GADD45A: variants seen among roughly 807,000 people sequenced by gnomAD.
The protein encoded by GADD45A is growth arrest and DNA damage-inducible protein GADD45 alpha.
Under a neutral mutation model 17.7 loss-of-function variants are expected in GADD45A, and 9 were observed. That is an observed-to-expected ratio of 0.51 (90% CI 0.31 to 0.89). GADD45A has a LOEUF of 0.89. Among genes scored for constraint, GADD45A ranks in the 40% least tolerant of loss-of-function variants. GADD45A has a pLI of 0.05. For synonymous variants in GADD45A, 95 were observed against 92.2 expected, an observed-to-expected ratio of 1.03 and a Z score of -0.17; for missense variants, 149 against 220.6, an observed-to-expected ratio of 0.68 and a Z score of 2.06.
intron 2 of GADD45A, 104 bp from the exon 3 acceptor site, chr1:67,686,246 G>C: frequency 7.3e-7 from 1 of 1,376,420 alleles, no homozygotes; most frequent in Non-Finnish European, 1.0e-6. Context: ...TGCCTGTCTC[G>C]GAAGGGAGGG....
intron 3 of GADD45A, 110 bp downstream of exon 3, chr1:67,686,697 T>A: frequency 1.1e-6 from 1 of 887,956 alleles, no homozygotes; most frequent in South Asian, 1.7e-5. Context: ...GGAGGGTGGC[T>A]GCCTTTGTCC....
At chr1:67,686,823 G>GT (rs1428222196) in intron 3 of GADD45A, among the ~76,000 whole-genome samples, 2 of 152,240 alleles carry the variant, frequency 1.3e-5, no homozygotes, top group African/African-American at 4.8e-5. Context: ...AGAGATCCCT[G>GT]TGAGTCAGCA....
chr1:67,687,214 T>C (rs1400389122), intron 3 of GADD45A, among the ~76,000 whole-genome samples: 2 of 152,238 alleles, frequency 1.3e-5, no homozygotes, highest in African/African-American at 4.8e-5. Context: ...ATTATTTTGC[T>C]ACTCCTTAAA....
At position 67,686,222 on chromosome 1, in the gene GADD45A, T is replaced by A. The variant is rs997447693; in HGVS notation, c.146+96T>A. 14 of 1,369,052 alleles carry A rather than the reference T, an allele frequency of 1.0e-5. No individual in the cohort carries two copies. In the East Asian group the frequency reaches 1.8e-4, roughly 17 times the overall value. 84.8% of individuals were successfully genotyped at this position (1,369,052 alleles called of 1,614,324 possible). A position where few individuals can be genotyped will look rare whatever the true frequency, so the allele number is the denominator to read the frequency against. ...GCGCCCCTCGCCCGGCCGCGCCACT[T>A]CCTGTCGCTTTTCTGCCTGTCTCGG... On this transcript the variant is annotated intron_variant, in intron 2 of 3. Coordinates refer to ENST00000370986, the MANE Select transcript of GADD45A (RefSeq NM_001924.4).
chr1:67,686,322 G>C, intron 2 of GADD45A, 28 bp from the exon 3 acceptor site: 1 of 1,598,670 alleles, frequency 6.3e-7, no homozygotes, highest in Non-Finnish European at 8.5e-7. Context: ...GCGCTTCTGC[G>C]CTCACTGGCC....
chr1:67,688,161 C>G lies in GADD45A; in HGVS notation c.*387C>G, dbSNP rs972422480. On this transcript the variant is annotated 3_prime_UTR_variant, in exon 4 of 4. Coordinates refer to ENST00000370986, the MANE Select transcript of GADD45A (RefSeq NM_001924.4). Reference sequence around the variant, plus strand: ...ATATGCCCTCAAGTAAAAGAAAAGCCGAAAGGGTTAATCATATTTGAAAAC... The same window carrying G: ...ATATGCCCTCAAGTAAAAGAAAAGCGGAAAGGGTTAATCATATTTGAAAAC... 6.2e-6 allele frequency: 1 copy of G among 162,246 alleles called. No individual in the cohort carries two copies. Among genetic ancestry groups the G allele is most frequent in the Non-Finnish European group, 1.3e-5 (1 of 74,768 alleles). The allele number at this position is 162,246 out of a possible 1,614,324, so 10.1% of individuals were successfully genotyped here.
At chr1:67,685,626 G>A (rs1646127687) in intron 1 of GADD45A, 88 bp downstream of exon 1, 2 of 1,367,430 alleles carry the variant, frequency 1.5e-6, no homozygotes. Context: ...AGGCTTGCAG[G>A]GGAGGAAGCT....
chr1:67,686,383 G>A lies in GADD45A; in HGVS notation c.180G>A (p.Ala60=). 1 of 1,613,492 alleles carries A rather than the reference G, an allele frequency of 6.2e-7. No homozygotes were observed. The highest frequency in any genetic ancestry group is 8.5e-7 in the Non-Finnish European group (1 of 1,179,790). The change falls in exon 3 of 4, where the codon GCG becomes GCA. Residue 60 remains alanine (A), a synonymous_variant. Coordinates refer to ENST00000370986, the MANE Select transcript of GADD45A (RefSeq NM_001924.4). ...DPDNVVLCLL[A]ADEDDDRDVA... Reference sequence around the variant, plus strand: ...ATAACGTGGTGTTGTGCCTGCTGGCGGCGGACGAGGACGACGACAGAGATG... The same window carrying A: ...ATAACGTGGTGTTGTGCCTGCTGGCAGCGGACGAGGACGACGACAGAGATG...
At chr1:67,685,968 G>T in intron 1 of GADD45A, 57 bp from the exon 2 acceptor site, 1 of 1,155,144 alleles carries the variant, frequency 8.7e-7, no homozygotes, top group Non-Finnish European at 1.3e-6. Context: ...GAGGGGGGCG[G>T]CGATGGCCCC....
At chr1:67,686,286 G>A in intron 2 of GADD45A, 64 bp from the exon 3 acceptor site, 3 of 1,485,442 alleles carry the variant, frequency 2.0e-6, no homozygotes, top group East Asian at 2.4e-5. Context: ...GACCCCCAGG[G>A]ACCCGGGCAG....
intron 1 of GADD45A, 22 bp from the exon 2 acceptor site, chr1:67,686,003 C>T (rs781124795): frequency 6.4e-7 from 1 of 1,563,114 alleles, no homozygotes; most frequent in South Asian, 1.1e-5. Context: ...TGACGGGACC[C>T]CTCGCCCTTG....
intron 3 of GADD45A, 49 bp downstream of exon 3, chr1:67,686,636 G>A: frequency 6.6e-7 from 1 of 1,512,538 alleles, no homozygotes; most frequent in Non-Finnish European, 9.0e-7. Flanking sequence ...CCGGAAGGAC[G>A]GGAGTCAGGG....
rs756214014 is a variant in GADD45A, at chr1:67,685,534, G to A, written c.40G>A (p.Glu14Lys). The A allele has an allele frequency of 6.2e-6, 10 of 1,608,498 alleles. No homozygotes were observed. In the South Asian group the frequency reaches 8.9e-5, roughly 14 times the overall value. Residue 14 changes from glutamate to lysine, a missense_variant, in exon 1 of 4, where the codon GAA becomes AAA. Physicochemically the swap from Glu to Lys is moderately conservative, Grantham distance 56. Coordinates refer to ENST00000370986, the MANE Select transcript of GADD45A (RefSeq NM_001924.4). ...EEFSAGEQKT[E>K]RMDKVGDALE... ...ATTCTCGGCTGGAGAGCAGAAGACC[G>A]AAAGGTGAGTCGGCCTGCGGACTCT...
intron 3 of GADD45A, among the ~76,000 whole-genome samples, chr1:67,687,402 T>C (rs1015919833): frequency 1.3e-5 from 2 of 152,210 alleles, no homozygotes; most frequent in African/African-American, 4.8e-5. Flanking sequence ...ACTGAACAGA[T>C]ATGCAAACAT....
chr1:67,686,230 C>CT (rs953951180), intron 2 of GADD45A, 104 bp downstream of exon 2: 3 of 1,373,632 alleles, frequency 2.2e-6, no homozygotes, highest in African/African-American at 3.0e-5. Flanking sequence ...CTTCCTGTCG[C>CT]TTTTCTGCCT....
chr1:67,686,214 G>A, intron 2 of GADD45A, 88 bp downstream of exon 2: 1 of 1,377,526 alleles, frequency 7.3e-7, no homozygotes, highest in Non-Finnish European at 1.0e-6. Context: ...TCGCCCGGCC[G>A]CGCCACTTCC....
intron 1 of GADD45A, 28 bp downstream of exon 1, chr1:67,685,566 C>T: frequency 1.3e-6 from 2 of 1,591,724 alleles, no homozygotes; most frequent in Middle Eastern, 3.3e-4. Flanking sequence ...CTCTTCCGGC[C>T]CGAACTTCTC....
intron 2 of GADD45A, 36 bp downstream of exon 2, chr1:67,686,162 C>T: frequency 1.1e-5 from 17 of 1,545,826 alleles, no homozygotes; most frequent in Non-Finnish European, 1.5e-5. Flanking sequence ...CATGGCACCC[C>T]TTCCCGCCCC....
intron 2 of GADD45A, 50 bp downstream of exon 2, chr1:67,686,176 C>A: frequency 6.7e-7 from 1 of 1,501,858 alleles, no homozygotes; most frequent in Non-Finnish European, 9.1e-7. Flanking sequence ...CCGCCCCAGC[C>A]CGGGAGGTCG....
Sources: allele counts gnomAD v4.1 joint callset (sites outside exome capture counted in the v4.1 genomes callset), GRCh38; gene constraint gnomAD v4.1.1; transcripts MANE v1.5; gene names NCBI Gene and HGNC (gene_info 2026-07-23, HGNC 2026-07-21).